ARHGAP44: variants seen among roughly 807,000 people sequenced by gnomAD.
The protein encoded by ARHGAP44 is Rho GTPase activating protein 44, also known as rho GTPase-activating protein 44.
In ARHGAP44, 43 loss-of-function variants were observed where a neutral mutation model predicts 106.8. The ratio of observed to expected loss-of-function variants is 0.40; its 90% CI spans 0.32 to 0.52. ARHGAP44 has a LOEUF of 0.52. Among genes scored for constraint, ARHGAP44 ranks in the 20% least tolerant of loss-of-function variants. The pLI, the probability that ARHGAP44 is intolerant of heterozygous loss-of-function variation, is 0.48. For missense variants in ARHGAP44, 866 were observed against 1,050.5 expected, an observed-to-expected ratio of 0.82 and a Z score of 2.43; for synonymous variants, 439 against 410.3, an observed-to-expected ratio of 1.07 and a Z score of -0.85.
At chr17:12,797,888 G>C (rs1336358622) in intron 1 of ARHGAP44, among the ~76,000 whole-genome samples, 1 of 152,060 alleles carries the variant, frequency 6.6e-6, no homozygotes, top group Non-Finnish European at 1.5e-5. Flanking sequence ...AGTAGTTTTT[G>C]TCCATTTTGC....
rs567376140 is a variant in ARHGAP44, at chr17:12,977,920, C to T, written c.1764-2138C>T. Among the ~76,000 whole-genome samples, 113 of 151,020 alleles carry T rather than the reference C, an allele frequency of 7.5e-4. 1 individual carries two copies. Among genetic ancestry groups the T allele is most frequent in the African/African-American group, 2.6e-3 (107 of 41,186 alleles). ...GGGTGTGGTGGCACATGCCTTTAAT[C>T]CTAGCTACTTGGGAGGCTGAGGAAG... On this transcript the variant is annotated intron_variant, in intron 18 of 20. Coordinates refer to ENST00000379672, the MANE Select transcript of ARHGAP44 (RefSeq NM_014859.6).
rs569608423 is a variant in ARHGAP44, at chr17:12,877,377, C to T, written c.54-17563C>T. Among the ~76,000 whole-genome samples, 7 of 152,128 alleles carry T rather than the reference C, an allele frequency of 4.6e-5. No homozygotes were observed. In the South Asian group the frequency reaches 1.2e-3, roughly 27 times the overall value. ...ATAGGGGTGTCTACAAGAGACCCAC[C>T]CTGGCTTAGACTCTTTAAGGGAAAA... On this transcript the variant is annotated intron_variant, in intron 1 of 20. Coordinates refer to ENST00000379672, the MANE Select transcript of ARHGAP44 (RefSeq NM_014859.6).
At chr17:12,819,302 G>C (rs2034692511) in intron 1 of ARHGAP44, among the ~76,000 whole-genome samples, 2 of 151,820 alleles carry the variant, frequency 1.3e-5, no homozygotes. Context: ...GTATTTTGTT[G>C]CTCAAATATG....
rs955917175 is a variant in ARHGAP44, at chr17:12,919,940, G to A, written c.464+109G>A. ...TGTTTTCATTCACCAAGTTTTTCTG[G>A]ACACCTAACGTGTACCAGGCACTGG... On this transcript the variant is annotated intron_variant, in intron 6 of 20. Transcript: ENST00000379672. 12 of 834,958 alleles carry A rather than the reference G, an allele frequency of 1.4e-5. No individual in the cohort carries two copies. In the Admixed American group the frequency reaches 2.7e-4, roughly 19 times the overall value. 51.7% of individuals were successfully genotyped at this position (834,958 alleles called of 1,614,324 possible).
intron 18 of ARHGAP44, among the ~76,000 whole-genome samples, chr17:12,977,250 C>CGG (rs2039706491): frequency 2.0e-5 from 3 of 152,184 alleles, no homozygotes; most frequent in Admixed American, 6.5e-5. Context: ...TTTGTTCTCT[C>CGG]CCCGCATGGG....
At chr17:12,955,671 T>A (rs2143143122) in intron 13 of ARHGAP44, 196 bp from the exon 14 acceptor site, 2 of 513,774 alleles carry the variant, frequency 3.9e-6, no homozygotes, top group Non-Finnish European at 3.5e-6. Context: ...CCCAGTGAGA[T>A]CTGAGCCTGC....
At chr17:12,857,355 A>G (rs9891642) in intron 1 of ARHGAP44, among the ~76,000 whole-genome samples, 13,944 of 152,244 alleles carry the variant, frequency 0.092, 1,806 homozygotes, top group African/African-American at 0.29. Context: ...TGGGAAGTCT[A>G]AGAGCATGGA....
At chr17:12,934,525 A>T (rs1004124130) in intron 7 of ARHGAP44, among the ~76,000 whole-genome samples, 1 of 152,218 alleles carries the variant, frequency 6.6e-6, no homozygotes, top group South Asian at 2.1e-4. Flanking sequence ...GTTACTTCAG[A>T]TCCCTTCTGC....
intron 16 of ARHGAP44, among the ~76,000 whole-genome samples, chr17:12,961,946 C>G (rs12103542): frequency 0.34 from 51,306 of 151,724 alleles, 8,938 homozygotes; most frequent in East Asian, 0.58. Flanking sequence ...TAACATTAGG[C>G]CAGTTCTCTA....
intron 1 of ARHGAP44, among the ~76,000 whole-genome samples, chr17:12,829,279 A>G (rs943249533): frequency 1.3e-5 from 2 of 151,812 alleles, no homozygotes; most frequent in African/African-American, 2.4e-5. Context: ...TTGCTGTTCT[A>G]CTTGATGTAA....
intron 1 of ARHGAP44, among the ~76,000 whole-genome samples, chr17:12,795,510 A>G (rs1178165178): frequency 2.6e-5 from 4 of 152,056 alleles, no homozygotes; most frequent in East Asian, 3.9e-4. Flanking sequence ...GTCTCCATCA[A>G]AGTAATTTAT....
At chr17:12,851,251 C>G (rs571877365) in intron 1 of ARHGAP44, among the ~76,000 whole-genome samples, 2 of 152,186 alleles carry the variant, frequency 1.3e-5, no homozygotes, top group African/African-American at 4.8e-5. Flanking sequence ...AGTCTCTGTC[C>G]GTTGGAATTA....
rs542196163 is a variant in ARHGAP44 at position 12,950,073 on chromosome 17, C to T, written c.1055+343C>T. On this transcript the variant is annotated intron_variant, in intron 12 of 20. Transcript: ENST00000379672. ...TAAATAGATAATGAAAGGAAGTTAA[C>T]AAGGACTCCTGTGACATTCTATTGT... Among the ~76,000 whole-genome samples, 3 of 152,290 alleles carry T rather than the reference C, an allele frequency of 2.0e-5. No homozygotes were observed. The South Asian group carries it at 6.2e-4, about 32-fold the overall frequency.
chr17:12,815,317 C>T (rs1191251308), intron 1 of ARHGAP44, among the ~76,000 whole-genome samples: 1 of 152,128 alleles, frequency 6.6e-6, no homozygotes, highest in Non-Finnish European at 1.5e-5. Flanking sequence ...CCGCCTCGCA[C>T]TTATTCTGTG....
Position 12,915,949 on chromosome 17 carries a change from C to T in ARHGAP44, c.325C>T (p.Leu109=). The change falls in exon 5 of 21, where the codon CTG becomes TTG. Residue 109 remains leucine, a synonymous_variant. Transcript: ENST00000379672. ...GETEDKLAQE[L]IHFELQVERD... Reference sequence around the variant, plus strand: ...GACGGAGGACAAGCTGGCTCAGGAGCTGATACATTTTGAGTTGCAAGTAGA... The same window carrying T: ...GACGGAGGACAAGCTGGCTCAGGAGTTGATACATTTTGAGTTGCAAGTAGA... 6.2e-7 allele frequency: 1 copy of T among 1,613,918 alleles called. No homozygotes were observed. Among genetic ancestry groups the T allele is most frequent in the Non-Finnish European group, 8.5e-7 (1 of 1,179,878 alleles).
At chr17:12,835,780 T>A (rs1432882281) in intron 1 of ARHGAP44, among the ~76,000 whole-genome samples, 1 of 152,190 alleles carries the variant, frequency 6.6e-6, no homozygotes, top group Non-Finnish European at 1.5e-5. Flanking sequence ...TCGGCACTCA[T>A]TAAACAATAA....
chr17:12,895,768 T>C lies in ARHGAP44; in HGVS notation c.94-639T>C, dbSNP rs145935462. On this transcript the variant is annotated intron_variant, in intron 2 of 20. Coordinates refer to ENST00000379672, the MANE Select transcript of ARHGAP44 (RefSeq NM_014859.6). ...CATTACTGGGTATATACCCAAAGGA[T>C]TATAAATCATGCTGCTATAAAGACA... is the stretch of plus-strand genomic sequence containing the variant. 3.8e-3 allele frequency among the ~76,000 whole-genome samples: 581 copies of C among 152,222 alleles called. 3 individuals carry two copies. The highest frequency in any genetic ancestry group is 0.013 in the African/African-American group (534 of 41,536).
Position 12,949,612 on chromosome 17 carries a change from C to A in ARHGAP44, c.974-37C>A. The A allele has an allele frequency of 6.2e-7, 1 of 1,602,908 alleles. No homozygotes were observed. Among genetic ancestry groups the A allele is most frequent in the South Asian group, 1.1e-5 (1 of 90,672 alleles). ...CTGGTGGGTCTTGCCTCTGCCACAT[C>A]ATAACAGTTCACAACCAATATTTCA... On this transcript the variant is annotated intron_variant, in intron 11 of 20. Coordinates refer to ENST00000379672, the MANE Select transcript of ARHGAP44 (RefSeq NM_014859.6). This position sits in a 1 kb window ranked among gnomAD's most constrained non-coding sequence, Gnocchi z 4.1.
chr17:12,853,308 C>T (rs2035817000), intron 1 of ARHGAP44, among the ~76,000 whole-genome samples: 1 of 152,182 alleles, frequency 6.6e-6, no homozygotes, highest in African/African-American at 2.4e-5. Context: ...CAGTACTTCA[C>T]TTAGGAAGTA....
Sources: gnomAD v4.1 joint callset for allele counts (sites outside exome capture counted in the v4.1 genomes callset) on GRCh38, gnomAD v4.1.1 for gene constraint, Gnocchi (gnomAD v3.1) non-coding constraint, MANE v1.5 for transcripts, NCBI Gene and HGNC (gene_info 2026-07-23, HGNC 2026-07-21) for gene names.